Variants in IL21R observed in about 807,000 individuals in gnomAD.
IL21R encodes interleukin 21 receptor.
Under a neutral mutation model 41.3 loss-of-function variants are expected in IL21R, and 14 were observed. The ratio of observed to expected loss-of-function variants is 0.34; its 90% confidence interval spans 0.22 to 0.53. IL21R has a LOEUF of 0.53. Ranked by LOEUF, IL21R falls within the 20% of genes least tolerant of loss-of-function variation. IL21R has a pLI of 0.94. For synonymous variants in IL21R, 286 were observed against 287.6 expected, an observed-to-expected ratio of 0.99 and a Z score of 0.05; for missense variants, 588 against 681.6, an observed-to-expected ratio of 0.86 and a Z score of 1.53.
chr16:27,429,294 C>CA (rs2087128301), intron 1 of IL21R, among the ~76,000 whole-genome samples: 1 of 152,048 alleles, frequency 6.6e-6, no homozygotes, highest in Non-Finnish European at 1.5e-5. Flanking sequence ...AAGGAAGATC[C>CA]AAAATTGCTC....
rs3917005 is a variant in IL21R at position 27,414,165 on chromosome 16, A to AGTGTGT, written c.-17+11567_-17+11572dup. On this transcript the variant is annotated intron_variant, in intron 1 of 8. Coordinates refer to ENST00000337929, the MANE Select transcript of IL21R (RefSeq NM_181078.3). ...ATTAAGGATAATGTTAGCTATGTATAGTGTGTGTGTGTGTGTGTGTGTGTG... is the reference window on the plus strand; with the variant it reads ...ATTAAGGATAATGTTAGCTATGTATAGTGTGTGTGTGTGTGTGTGTGTGTGTGTGTG... Among the ~76,000 whole-genome samples, 714 of 144,284 alleles carry AGTGTGT rather than the reference A, an allele frequency of 4.9e-3. 10 individuals are homozygous for AGTGTGT. Among genetic ancestry groups the AGTGTGT allele is most frequent in the East Asian group, 0.017 (82 of 4,814 alleles). The allele number at this position is 144,284 out of a possible 152,430, so 94.7% of individuals were successfully genotyped here.
At chr16:27,430,426 T>A (rs551376040) in intron 2 of IL21R, among the ~76,000 whole-genome samples, 33 of 152,254 alleles carry the variant, frequency 2.2e-4, no homozygotes, top group Non-Finnish European at 4.0e-4. Flanking sequence ...CCCTGACCTC[T>A]GCCTTGGCTG....
intron 1 of IL21R, among the ~76,000 whole-genome samples, chr16:27,415,160 G>A (rs879644775): frequency 7.2e-5 from 11 of 152,160 alleles, no homozygotes; most frequent in Non-Finnish European, 1.6e-4. Context: ...CCAAACAATA[G>A]CCAACACCAT....
At chr16:27,405,456 T>C (rs2141253690) in intron 1 of IL21R, among the ~76,000 whole-genome samples, 1 of 152,354 alleles carries the variant, frequency 6.6e-6, no homozygotes, top group South Asian at 2.1e-4. Flanking sequence ...GCTCTTATGA[T>C]GATTCTGCTT....
chr16:27,426,918 A>G (rs919101369), intron 1 of IL21R, among the ~76,000 whole-genome samples: 4 of 152,128 alleles, frequency 2.6e-5, no homozygotes, highest in African/African-American at 7.2e-5. Flanking sequence ...GGAATGAGAA[A>G]TCCACAGGGT....
intron 3 of IL21R, among the ~76,000 whole-genome samples, chr16:27,436,909 C>T (rs1428586948): frequency 6.6e-6 from 1 of 152,008 alleles, no homozygotes; most frequent in Non-Finnish European, 1.5e-5. Flanking sequence ...CCCATCTCTA[C>T]AAAAAATACA....
At chr16:27,407,835 CA>C (rs2086770913) in intron 1 of IL21R, among the ~76,000 whole-genome samples, 1 of 152,076 alleles carries the variant, frequency 6.6e-6, no homozygotes, top group African/African-American at 2.4e-5. Flanking sequence ...AAAAACAAAA[CA>C]AAACAAACAA....
chr16:27,444,745 C>T (rs781781937), intron 6 of IL21R, 26 bp downstream of exon 6: 2 of 1,466,886 alleles, frequency 1.4e-6, no homozygotes, highest in East Asian at 2.6e-5. Flanking sequence ...GGATGGACAC[C>T]CCACTCCTGG....
At position 27,434,424 on chromosome 16, in the gene IL21R, C is replaced by T. The variant is rs749807140; in HGVS notation, c.127C>T (p.His43Tyr). Reference protein sequence around the residue: ...VICILEMWNLHPSTLTLTWQD... With the variant: ...VICILEMWNLYPSTLTLTWQD... Reference sequence around the variant, plus strand: ...CTGCATCCTGGAAATGTGGAACCTCCACCCCAGCACGCTCACCCTTACCTG... The same window carrying T: ...CTGCATCCTGGAAATGTGGAACCTCTACCCCAGCACGCTCACCCTTACCTG... Residue 43 changes from histidine to tyrosine, a missense_variant, in exon 3 of 9, where the codon CAC becomes TAC. Transcript: ENST00000337929. The T allele has an allele frequency of 8.7e-6, 14 of 1,613,230 alleles. No homozygotes were observed. The East Asian group carries it at 3.1e-4, about 36-fold the overall frequency.
rs574266897 is a variant in IL21R at position 27,438,746 on chromosome 16, C to T, written c.352+1059C>T. ...TTTGCCGGGCGTGGTGGCACACGCC[C>T]GTAATCCCGGCTACTCGGGAGGCTG... On this transcript the variant is annotated intron_variant, in intron 4 of 8. Coordinates refer to ENST00000337929, the MANE Select transcript of IL21R (RefSeq NM_181078.3). Among the ~76,000 whole-genome samples, 10 of 151,284 alleles carry T rather than the reference C, an allele frequency of 6.6e-5. No homozygotes were observed. The East Asian group carries it at 1.4e-3, about 21-fold the overall frequency.
chr16:27,443,031 A>G lies in IL21R; in HGVS notation c.422A>G (p.Asp141Gly). 1 of 1,613,992 alleles carries G rather than the reference A, an allele frequency of 6.2e-7. No homozygotes were observed. The stretch of plus-strand genomic sequence containing the variant: ...CAGTATAATATCTCCTGGCGCTCAG[A>G]TTACGAAGACCCTGCCTTCTACATG... ...SGQYNISWRS[D>G]YEDPAFYMLK... Residue 141 changes from aspartate (D) to glycine (G), a missense_variant, in exon 5 of 9, where the codon GAT (aspartate) becomes GGT (glycine). By Grantham distance (94) the Asp-to-Gly change is moderately conservative (BLOSUM62 -1). Coordinates refer to ENST00000337929, the MANE Select transcript of IL21R (RefSeq NM_181078.3).
chr16:27,404,847 C>A (rs2086713645), intron 1 of IL21R, among the ~76,000 whole-genome samples: 1 of 152,072 alleles, frequency 6.6e-6, no homozygotes, highest in African/African-American at 2.4e-5. Context: ...AATAAGAATG[C>A]CTGTCTTAGG....
At chr16:27,424,105 C>T (rs185004869) in intron 1 of IL21R, among the ~76,000 whole-genome samples, 74 of 152,066 alleles carry the variant, frequency 4.9e-4, no homozygotes, top group African/African-American at 1.5e-3. Context: ...GATGGAGTCT[C>T]GCTCTGTCAC....
intron 2 of IL21R, among the ~76,000 whole-genome samples, chr16:27,433,863 C>A (rs2087218041): frequency 6.6e-6 from 1 of 152,086 alleles, no homozygotes; most frequent in Non-Finnish European, 1.5e-5. Context: ...TCTGTAGAGC[C>A]GAGTCCTCTT....
Position 27,440,287 on chromosome 16 carries a change from A to AGC in IL21R, c.352+2607_352+2608dup, listed in dbSNP as rs1352694699. On this transcript the variant is annotated intron_variant, in intron 4 of 8. Transcript: ENST00000337929. ...GAGAGAGAGAGAGAGAGAGCGAGCA[A>AGC]GCGCGCGCCAGGGTGTAGCTTTGTC... Among the ~76,000 whole-genome samples, 37 of 102,696 alleles carry AGC rather than the reference A, an allele frequency of 3.6e-4. 1 individual carries two copies. The highest frequency in any genetic ancestry group is 1.6e-3 in the South Asian group (6 of 3,638). 67.4% of individuals were successfully genotyped at this position (102,696 alleles called of 152,430 possible).
Position 27,414,174 on chromosome 16 carries a change from G to GTGTGTGTA in IL21R, c.-17+11563_-17+11564insATGTGTGT, listed in dbSNP as rs1555495612. Among the ~76,000 whole-genome samples, 4 of 151,576 alleles carry GTGTGTGTA rather than the reference G, an allele frequency of 2.6e-5. No homozygotes were observed. In the East Asian group the frequency reaches 7.7e-4, roughly 29 times the overall value. ...AATGTTAGCTATGTATAGTGTGTGT[G>GTGTGTGTA]TGTGTGTGTGTGTGTGATCGTAATT... On this transcript the variant is annotated intron_variant, in intron 1 of 8. Transcript: ENST00000337929.
rs2087001068 is a variant in IL21R, at chr16:27,421,500, C to T, written c.-16-8556C>T. ...GGTTTTCTATAATTTATTTCAATAA[C>T]ATTTGTAGGTTTTATTGCACAAGTC... On this transcript the variant is annotated intron_variant, in intron 1 of 8. Transcript: ENST00000337929. 3.9e-5 allele frequency among the ~76,000 whole-genome samples: 6 copies of T among 152,068 alleles called. No individual in the cohort carries two copies. In the South Asian group the frequency reaches 1.2e-3, roughly 32 times the overall value.
intron 1 of IL21R, among the ~76,000 whole-genome samples, chr16:27,424,264 G>C (rs1567361668): frequency 6.6e-6 from 1 of 152,016 alleles, no homozygotes; most frequent in Non-Finnish European, 1.5e-5. Context: ...TAGTAGAGAT[G>C]GGTTTCACCA....
At chr16:27,419,002 A>C (rs1480599101) in intron 1 of IL21R, among the ~76,000 whole-genome samples, 1 of 151,892 alleles carries the variant, frequency 6.6e-6, no homozygotes, top group Non-Finnish European at 1.5e-5. Context: ...ATCGCCTGCA[A>C]TCAGGAATTC....
Sources: gnomAD v4.1 joint callset for allele counts (sites outside exome capture counted in the v4.1 genomes callset) on GRCh38, gnomAD v4.1.1 for gene constraint, MANE v1.5 for transcripts, NCBI Gene and HGNC (gene_info 2026-07-23, HGNC 2026-07-21) for gene names.